The following YAP1 variants were observed in gnomAD, a reference collection of about 807,000 sequenced individuals.
YAP1 encodes the protein transcriptional coactivator YAP1.
YAP1 carries 5 observed loss-of-function variants against 56.9 expected under a neutral mutation model. That is an observed-to-expected ratio of 0.09 (90% CI 0.05 to 0.18). The LOEUF is 0.18. Among genes scored for constraint, YAP1 ranks in the 10% least tolerant of loss-of-function variants. The pLI is 1.00. For missense variants in YAP1, 539 were observed against 651.8 expected, an observed-to-expected ratio of 0.83 and a Z score of 1.88; for synonymous variants, 265 against 248.1, an observed-to-expected ratio of 1.07 and a Z score of -0.64.
intron 5 of YAP1, among the ~76,000 whole-genome samples, chr11:102,206,406 C>T (rs911495730): frequency 1.3e-5 from 2 of 152,166 alleles, no homozygotes; most frequent in Admixed American, 6.5e-5. Context: ...GAGGATTTCA[C>T]TAAAGGGGAA....
intron 3 of YAP1, among the ~76,000 whole-genome samples, chr11:102,180,400 G>A (rs989221451): frequency 6.6e-6 from 1 of 151,952 alleles, no homozygotes; most frequent in Admixed American, 6.6e-5. Context: ...AATACTGAAT[G>A]AGCCAGGCGT....
intron 2 of YAP1, among the ~76,000 whole-genome samples, chr11:102,126,589 G>A (rs1944050434): frequency 1.3e-5 from 2 of 152,194 alleles, no homozygotes; most frequent in South Asian, 4.1e-4. Flanking sequence ...GGAGTTGTAA[G>A]TCCAATTAAA....
chr11:102,172,877 G>T (rs1413444705), intron 3 of YAP1, among the ~76,000 whole-genome samples: 1 of 152,118 alleles, frequency 6.6e-6, no homozygotes, highest in Non-Finnish European at 1.5e-5. Context: ...GGAAGGGAGA[G>T]AATGCTTCAT....
At chr11:102,180,700 A>G (rs1296901112) in intron 3 of YAP1, among the ~76,000 whole-genome samples, 14 of 151,026 alleles carry the variant, frequency 9.3e-5, no homozygotes, top group South Asian at 2.1e-4. Flanking sequence ...AAAAAAAAAA[A>G]AAGAAGATCA....
At chr11:102,215,771 G>A (rs577402369) in intron 6 of YAP1, among the ~76,000 whole-genome samples, 6 of 152,246 alleles carry the variant, frequency 3.9e-5, no homozygotes, top group South Asian at 2.1e-4. Context: ...GAGCCACTGC[G>A]CCTGGCCTGT....
At chr11:102,197,219 T>C (rs1948618380) in intron 4 of YAP1, among the ~76,000 whole-genome samples, 1 of 152,238 alleles carries the variant, frequency 6.6e-6, no homozygotes, top group Non-Finnish European at 1.5e-5. Flanking sequence ...TTAATATAGC[T>C]ATGCTAATAT....
At chr11:102,166,188 C>G (rs986036919) in intron 3 of YAP1, among the ~76,000 whole-genome samples, 4 of 152,166 alleles carry the variant, frequency 2.6e-5, no homozygotes, top group Admixed American at 6.5e-5. Context: ...CAGAATCAGA[C>G]AAGTTTATAT....
At chr11:102,160,922 A>G (rs1276572219) in intron 2 of YAP1, among the ~76,000 whole-genome samples, 1 of 151,858 alleles carries the variant, frequency 6.6e-6, no homozygotes, top group Non-Finnish European at 1.5e-5. Flanking sequence ...AAAAACAAGA[A>G]CTCATAACCA....
At position 102,211,459 on chromosome 11, in the gene YAP1, T is replaced by C. The variant is rs777804132; in HGVS notation, c.1032+1895T>C. ...TTTTAAAAATCTTCTTTGCATATGC[T>C]GGAGATTAAAATATTGGTTTGTTAT... On this transcript the variant is annotated intron_variant, in intron 6 of 8. Coordinates refer to ENST00000282441, the MANE Select transcript of YAP1 (RefSeq NM_001130145.3). 5.9e-5 allele frequency among the ~76,000 whole-genome samples: 9 copies of C among 152,212 alleles called. No individual in the cohort carries two copies. The East Asian group carries it at 7.7e-4, about 13-fold the overall frequency.
chr11:102,183,798 C>T (rs973562130), intron 3 of YAP1, among the ~76,000 whole-genome samples: 19 of 151,576 alleles, frequency 1.3e-4, no homozygotes, highest in Non-Finnish European at 2.4e-4. Flanking sequence ...CAATGAGGGC[C>T]GGGCGCGGTG....
intron 2 of YAP1, among the ~76,000 whole-genome samples, chr11:102,119,124 G>A (rs1019600868): frequency 6.6e-6 from 1 of 151,724 alleles, no homozygotes; most frequent in Non-Finnish European, 1.5e-5. Context: ...ATGAAAGTAC[G>A]CCCTTAGCTC....
chr11:102,175,394 C>T (rs191819804), intron 3 of YAP1, among the ~76,000 whole-genome samples: 1 of 151,740 alleles, frequency 6.6e-6, no homozygotes, highest in African/African-American at 2.4e-5. Context: ...AGCGAGACCT[C>T]GTCTCAAAAA....
chr11:102,142,959 C>CT (rs1265499008), intron 2 of YAP1, among the ~76,000 whole-genome samples: 7 of 151,980 alleles, frequency 4.6e-5, no homozygotes, highest in African/African-American at 1.7e-4. Flanking sequence ...GGTGTAGTCT[C>CT]TTAACGTGTG....
intron 7 of YAP1, among the ~76,000 whole-genome samples, chr11:102,226,494 T>C (rs1157322854): frequency 6.6e-6 from 1 of 152,212 alleles, no homozygotes; most frequent in Non-Finnish European, 1.5e-5. Flanking sequence ...AAAGTTGAAG[T>C]TCACACTCAC....
intron 2 of YAP1, among the ~76,000 whole-genome samples, chr11:102,139,544 T>C (rs1944884617): frequency 6.6e-6 from 1 of 152,218 alleles, no homozygotes; most frequent in African/African-American, 2.4e-5. Flanking sequence ...CTTTGTTAAC[T>C]GGTAGATTAT....
intron 2 of YAP1, among the ~76,000 whole-genome samples, chr11:102,130,971 G>A (rs767078677): frequency 3.3e-5 from 5 of 152,010 alleles, no homozygotes; most frequent in Non-Finnish European, 7.4e-5. Context: ...TGATATGTAA[G>A]TGTCATTGTC....
chr11:102,181,303 G>A (rs1349118851), intron 3 of YAP1, among the ~76,000 whole-genome samples: 3 of 152,092 alleles, frequency 2.0e-5, no homozygotes, highest in South Asian at 2.1e-4. Context: ...AAAATTAGCC[G>A]AGCGTGGTGG....
intron 1 of YAP1, 52 bp downstream of exon 1, chr11:102,111,221 G>C (rs766020726): frequency 6.2e-7 from 1 of 1,601,432 alleles, no homozygotes; most frequent in African/African-American, 1.3e-5. Flanking sequence ...CCTCAGACCG[G>C]GGGGGCGCTC....
At chr11:102,201,584 T>A (rs1235235857) in intron 4 of YAP1, among the ~76,000 whole-genome samples, 2 of 152,156 alleles carry the variant, frequency 1.3e-5, no homozygotes, top group Non-Finnish European at 2.9e-5. Flanking sequence ...GAGATAAAAT[T>A]GCAAAGAAAT....
Sources: gnomAD v4.1 joint callset for allele counts (sites outside exome capture counted in the v4.1 genomes callset) on GRCh38, gnomAD v4.1.1 for gene constraint, MANE v1.5 for transcripts, NCBI Gene and HGNC (gene_info 2026-07-23, HGNC 2026-07-21) for gene names.